The following ARHGEF9 variants were observed in gnomAD, a reference collection of about 807,000 sequenced individuals.
ARHGEF9 encodes rho guanine nucleotide exchange factor 9.
ARHGEF9 carries 2 observed loss-of-function variants against 41.3 expected under a neutral mutation model. The ratio of observed to expected loss-of-function variants is 0.05; its 90% CI spans 0.02 to 0.15. ARHGEF9 has a LOEUF of 0.15. Ranked by LOEUF, ARHGEF9 falls within the 10% of genes least tolerant of loss-of-function variation. ARHGEF9 has a pLI of 1.00. For missense variants in ARHGEF9, 225 were observed against 424.7 expected (o/e 0.53, Z 4.13); for synonymous variants, 160 against 154.4 (o/e 1.04, Z -0.27).
intron 4 of ARHGEF9, among the ~76,000 whole-genome samples, chrX:63,694,383 A>G (rs2051590301): frequency 8.9e-6 from 1 of 112,042 alleles, no homozygotes; most frequent in Non-Finnish European, 1.9e-5. Flanking sequence ...AAATGAAAAC[A>G]TATATTCTCA....
chrX:63,708,129 TG>T (rs1276544370), intron 2 of ARHGEF9, among the ~76,000 whole-genome samples: 6 of 109,248 alleles, frequency 5.5e-5, no homozygotes, highest in African/African-American at 2.0e-4. Flanking sequence ...AGAATAGACC[TG>T]GGCAAAAAAA....
rs1556415929 is a variant in ARHGEF9, at chrX:63,724,691, G to A, written c.51C>T (p.Ile17=). 5.8e-6 allele frequency: 7 copies of A among 1,211,294 alleles called. No individual in the cohort carries two copies. Among genetic ancestry groups the A allele is most frequent in the Non-Finnish European group, 7.8e-6 (7 of 895,280 alleles). The change falls in exon 2 of 10, where the codon ATC becomes ATT. Residue 17 remains isoleucine, a synonymous_variant. Transcript: ENST00000671741. ...GATCCCATACTGCCTCAGCACTAACGATGGAATCTCCAGTGATCAGCTTAG... is the reference window on the plus strand; with the variant it reads ...GATCCCATACTGCCTCAGCACTAACAATGGAATCTCCAGTGATCAGCTTAG... ...GSGMLITGDS[I]VSAEAVWDHV...
At chrX:63,742,890 A>G (rs1173803676) in intron 1 of ARHGEF9, among the ~76,000 whole-genome samples, 1 of 112,297 alleles carries the variant, frequency 8.9e-6, no homozygotes, top group East Asian at 2.8e-4. Flanking sequence ...AACCTATCCA[A>G]TTATCCAGTA....
chrX:63,660,897 C>A lies in ARHGEF9; in HGVS notation c.1077+4989G>T, dbSNP rs189542114. ...TGCCCAAGGTCATATAGCTCATGGG[C>A]GAAAGGAGATTGCCTTCTAGTCTGG... is the stretch of plus-strand genomic sequence containing the variant. On this transcript the variant is annotated intron_variant, in intron 7 of 9. Transcript: ENST00000671741. 1.2e-3 allele frequency among the ~76,000 whole-genome samples: 134 copies of A among 111,469 alleles called. 1 individual carries two copies. Among genetic ancestry groups the A allele is most frequent in the Admixed American group, 2.8e-3 (29 of 10,458 alleles).
At chrX:63,640,325 A>T (rs1365735990) in intron 9 of ARHGEF9, 1 of 112,331 alleles carries the variant, frequency 8.9e-6, no homozygotes, top group Non-Finnish European at 1.9e-5. Context: ...CATTGATCTG[A>T]TATGTCCACC....
chrX:63,706,514 T>C lies in ARHGEF9; in HGVS notation c.211-65A>G, dbSNP rs2052557439. On this transcript the variant is annotated intron_variant, in intron 2 of 9. Transcript: ENST00000671741. ...CTTCTTTGGGAGGTTTCCAGGCAAG[T>C]AGAAAAAGGATGAACTGAACTTCTC... The C allele has an allele frequency of 4.5e-6, 5 of 1,099,388 alleles. No individual in the cohort carries two copies. In the Admixed American group the frequency reaches 1.3e-4, roughly 28 times the overall value. The allele number at this position is 1,099,388 out of a possible 1,213,427, so 90.6% of individuals were successfully genotyped here. A position where few individuals can be genotyped will look rare whatever the true frequency, so the allele number is the denominator to read the frequency against.
intron 4 of ARHGEF9, among the ~76,000 whole-genome samples, chrX:63,695,361 C>T (rs1164133298): frequency 2.7e-5 from 3 of 111,701 alleles, no homozygotes; most frequent in African/African-American, 6.5e-5. Flanking sequence ...ATAAGCAAAC[C>T]CCATCCACTT....
intron 1 of ARHGEF9, among the ~76,000 whole-genome samples, chrX:63,784,826 G>A (rs781948882): frequency 1.8e-5 from 2 of 111,121 alleles, no homozygotes; most frequent in African/African-American, 6.6e-5. Context: ...CCTCCCAAGT[G>A]ACCCCTGGGA....
intron 6 of ARHGEF9, among the ~76,000 whole-genome samples, chrX:63,668,415 G>A (rs2049718500): frequency 9.0e-6 from 1 of 111,529 alleles, no homozygotes; most frequent in Admixed American, 9.5e-5. Context: ...TGGAATTACA[G>A]ATGTTAGCCA....
chrX:63,639,295 T>A (rs1556302873), intron 9 of ARHGEF9: 1 of 112,035 alleles, frequency 8.9e-6, no homozygotes. Context: ...GTGGTAAGTG[T>A]CAGAAGTATG....
chrX:63,697,471 C>T (rs1405212133), intron 3 of ARHGEF9, among the ~76,000 whole-genome samples, 167 bp from the exon 4 acceptor site: 1 of 111,489 alleles, frequency 9.0e-6, no homozygotes, highest in African/African-American at 3.3e-5. Flanking sequence ...AGTCACTCCC[C>T]CAGTGAGTAA....
intron 8 of ARHGEF9, among the ~76,000 whole-genome samples, chrX:63,649,624 C>T (rs1258790863): frequency 9.0e-6 from 1 of 111,450 alleles, no homozygotes; most frequent in African/African-American, 3.3e-5. Context: ...ACACAAAAAA[C>T]CCTTCAAAAA....
chrX:63,659,501 G>A (rs2049081687), intron 7 of ARHGEF9, among the ~76,000 whole-genome samples: 1 of 111,741 alleles, frequency 8.9e-6, no homozygotes, highest in Admixed American at 9.5e-5. Flanking sequence ...GACATTGCAG[G>A]ATATTCTCTA....
At chrX:63,763,524 T>C (rs1397486388) in intron 1 of ARHGEF9, among the ~76,000 whole-genome samples, 1 of 101,830 alleles carries the variant, frequency 9.8e-6, no homozygotes, top group South Asian at 5.3e-4. Flanking sequence ...AAGTAGTATA[T>C]AGCCTAATGG....
chrX:63,781,367 G>A (rs782155922), intron 1 of ARHGEF9, among the ~76,000 whole-genome samples: 2 of 111,349 alleles, frequency 1.8e-5, no homozygotes, highest in South Asian at 7.6e-4. Context: ...CCAGAAAGCA[G>A]GGTATTAATT....
chrX:63,665,856 C>T (rs2147265418), intron 7 of ARHGEF9, 30 bp downstream of exon 7: 2 of 1,204,579 alleles, frequency 1.7e-6, no homozygotes, highest in South Asian at 1.8e-5. Context: ...AGGTACCCAT[C>T]TCCCTCAGGG....
intron 4 of ARHGEF9, among the ~76,000 whole-genome samples, chrX:63,684,946 G>C (rs1556373814): frequency 9.2e-6 from 1 of 109,117 alleles, no homozygotes; most frequent in African/African-American, 3.3e-5. Flanking sequence ...CATAGAAACA[G>C]ATTAGGATGG....
intron 1 of ARHGEF9, among the ~76,000 whole-genome samples, chrX:63,757,294 G>C (rs1382532983): frequency 8.9e-6 from 1 of 111,848 alleles, no homozygotes; most frequent in Non-Finnish European, 1.9e-5. Context: ...AACAGACATA[G>C]GACCTTGCTT....
intron 1 of ARHGEF9, chrX:63,754,383 C>T (rs1602717568): frequency 1.7e-6 from 2 of 1,203,731 alleles, no homozygotes; most frequent in East Asian, 5.9e-5. Context: ...TGTTCTTTCT[C>T]TCTCTTTCCC....
Sources: gnomAD v4.1 joint callset for allele counts (sites outside exome capture counted in the v4.1 genomes callset) on GRCh38, gnomAD v4.1.1 for gene constraint, MANE v1.5 for transcripts, NCBI Gene and HGNC (gene_info 2026-07-23, HGNC 2026-07-21) for gene names.